Variants in ZBTB49 observed in about 807,000 individuals in gnomAD.
ZBTB49 encodes the protein zinc finger and BTB domain-containing protein 49.
A neutral mutation model predicts 57.5 loss-of-function variants in ZBTB49; 43 were observed. The ratio of observed to expected loss-of-function variants is 0.75; its 90% confidence interval spans 0.59 to 0.97. The LOEUF (loss-of-function observed/expected upper bound fraction) is 0.97. Ranked by LOEUF, ZBTB49 falls within the 50% of genes least tolerant of loss-of-function variation. The probability of loss-of-function intolerance (pLI) is 0.00; values close to 1 mark genes in which losing one functional copy is unlikely to be tolerated. For missense variants in ZBTB49, 938 were observed against 947.7 expected (o/e 0.99, Z 0.13); for synonymous variants, 369 against 362.1 (o/e 1.02, Z -0.22).
chr4:4,299,596 T>C (rs1026033874), intron 1 of ZBTB49, among the ~76,000 whole-genome samples: 1 of 152,194 alleles, frequency 6.6e-6, no homozygotes, highest in Non-Finnish European at 1.5e-5. Context: ...AGATTTGTAC[T>C]GTTTAAATTC....
At chr4:4,309,013 T>G (rs1720863211) in intron 4 of ZBTB49, among the ~76,000 whole-genome samples, 1 of 152,216 alleles carries the variant, frequency 6.6e-6, no homozygotes, top group Non-Finnish European at 1.5e-5. Context: ...TGGTAAAGAA[T>G]GCCCACCGGC....
At chr4:4,307,634 C>G (rs533482039) in intron 4 of ZBTB49, among the ~76,000 whole-genome samples, 1 of 152,210 alleles carries the variant, frequency 6.6e-6, no homozygotes, top group Non-Finnish European at 1.5e-5. Context: ...TTTCTCCTCT[C>G]CTGTCCATCC....
At chr4:4,299,037 G>A (rs1476915021) in intron 1 of ZBTB49, among the ~76,000 whole-genome samples, 1 of 152,210 alleles carries the variant, frequency 6.6e-6, no homozygotes, top group African/African-American at 2.4e-5. Flanking sequence ...GAAGGTTGAA[G>A]CTTGCAGTGT....
intron 7 of ZBTB49, among the ~76,000 whole-genome samples, chr4:4,320,032 C>T (rs1721342889): frequency 1.3e-5 from 2 of 152,228 alleles, no homozygotes; most frequent in Admixed American, 6.5e-5. Flanking sequence ...CCACTTCACT[C>T]CAGCCTGGGC....
intron 1 of ZBTB49, among the ~76,000 whole-genome samples, chr4:4,297,134 G>A (rs973549817): frequency 1.4e-4 from 22 of 152,122 alleles, no homozygotes; most frequent in African/African-American, 4.6e-4. Context: ...GCAATGGCGC[G>A]ATCTCAGCTC....
In ZBTB49 at chr4:4,320,817, G is replaced by C. The variant is rs751662294; in HGVS notation, c.1799G>C (p.Ser600Thr). The C allele has an allele frequency of 6.2e-7, 1 of 1,614,204 alleles. No individual in the cohort carries two copies. The highest frequency in any genetic ancestry group is 1.7e-5 in the Admixed American group (1 of 60,020). ...AGCCCAGATGTGCTGGAGGAGCTCA[G>C]CCAAGCCATCGAGACCTCCGACCTC... ...DESPDVLEEL[S>T]QAIETSDLEK... Residue 600 changes from serine (S) to threonine (T), a missense_variant, in exon 8 of 8, where the codon AGC (serine) becomes ACC (threonine). Physicochemically the swap from Ser to Thr is moderately conservative, Grantham distance 58 (BLOSUM62 1). Around this residue, in one of 3 missense-constraint regions of ZBTB49, gnomAD observed 835 missense variants for 819.1 expected, o/e 1.02. Transcript: ENST00000337872.
At position 4,321,156 on chromosome 4, in the gene ZBTB49, G is replaced by A. The variant is rs535856242; in HGVS notation, c.2138G>A (p.Arg713His). ...CAGGCCGATGGCATGGCCATGATCC[G>A]TTCCTCTCTGGCTGCTTTGGACAAC... Reference protein sequence around the residue: ...PLQADGMAMIRSSLAALDNHG... With the variant: ...PLQADGMAMIHSSLAALDNHG... The change falls in exon 8 of 8, where the codon CGT becomes CAT. Residue 713 changes from arginine to histidine, a missense_variant. Around this residue, in one of 3 missense-constraint regions of ZBTB49, gnomAD observed 835 missense variants for 819.1 expected, o/e 1.02. Coordinates refer to ENST00000337872, the MANE Select transcript of ZBTB49 (RefSeq NM_145291.4). The A allele has an allele frequency of 2.7e-5, 43 of 1,614,190 alleles. No homozygotes were observed. The highest frequency in any genetic ancestry group is 1.2e-4 in the African/African-American group (9 of 75,052).
chr4:4,315,902 T>A lies in ZBTB49; in HGVS notation c.1553T>A (p.Met518Lys). 1 of 1,614,156 alleles carries A rather than the reference T, an allele frequency of 6.2e-7. No individual in the cohort carries two copies. The highest frequency in any genetic ancestry group is 8.5e-7 in the Non-Finnish European group (1 of 1,180,020). The change falls in exon 7 of 8, where the codon ATG (methionine) becomes AAG (lysine). Residue 518 changes from methionine to lysine, a missense_variant. Around this residue, in one of 3 missense-constraint regions of ZBTB49, gnomAD observed 835 missense variants for 819.1 expected, o/e 1.02. Coordinates refer to ENST00000337872, the MANE Select transcript of ZBTB49 (RefSeq NM_145291.4). Reference sequence around the variant, plus strand: ...GATGAGTGTGGAAAGTCTTTTAATATGCAAAGGAAGTTAGTAAAGCACAGA... The same window carrying A: ...GATGAGTGTGGAAAGTCTTTTAATAAGCAAAGGAAGTTAGTAAAGCACAGA... The part of the protein sequence containing the change: ...TCDECGKSFN[M>K]QRKLVKHRIR...
chr4:4,290,332 G>C lies in ZBTB49; in HGVS notation c.-40G>C, dbSNP rs1183025659. The C allele has an allele frequency of 1.3e-5, 2 of 152,548 alleles. No homozygotes were observed. Among genetic ancestry groups the C allele is most frequent in the Non-Finnish European group, 2.9e-5 (2 of 68,292 alleles). 9.4% of individuals were successfully genotyped at this position (152,548 alleles called of 1,614,324 possible). A position where few individuals can be genotyped will look rare whatever the true frequency, so the allele number is the denominator to read the frequency against. ...GCTGCAGGTGAAGAGTAGGCGGCGG[G>C]GCAGAGAGCGGCCTCCGAGGGTAAG... On this transcript the variant is annotated 5_prime_UTR_variant, in exon 1 of 8. Transcript: ENST00000337872.
intron 5 of ZBTB49, 58 bp downstream of exon 5, chr4:4,313,172 T>C: frequency 6.3e-7 from 1 of 1,598,876 alleles, no homozygotes; most frequent in Non-Finnish European, 8.5e-7. Context: ...TCAGTGTCTT[T>C]GGTAGTCAGT....
intron 5 of ZBTB49, 38 bp downstream of exon 5, chr4:4,313,152 A>T (rs1223582948): frequency 6.2e-7 from 1 of 1,610,960 alleles, no homozygotes; most frequent in Non-Finnish European, 8.5e-7. Context: ...GGAAGGGAGC[A>T]TGTCTAGTCT....
intron 4 of ZBTB49, among the ~76,000 whole-genome samples, chr4:4,308,043 T>A (rs1720816376): frequency 6.6e-6 from 1 of 152,180 alleles, no homozygotes; most frequent in Non-Finnish European, 1.5e-5. Context: ...TCTGATTCTG[T>A]GATTTGGAGT....
chr4:4,299,387 A>G (rs1355578216), intron 1 of ZBTB49, among the ~76,000 whole-genome samples: 4 of 150,996 alleles, frequency 2.6e-5, no homozygotes, highest in Non-Finnish European at 5.9e-5. Flanking sequence ...TTATCTCCCA[A>G]AATAGGCTCC....
intron 1 of ZBTB49, among the ~76,000 whole-genome samples, chr4:4,291,661 T>G (rs1337550002): frequency 6.6e-6 from 1 of 152,224 alleles, no homozygotes; most frequent in African/African-American, 2.4e-5. Flanking sequence ...TCTCGTACTG[T>G]TTTTGGGTTT....
At chr4:4,313,912 C>T (rs1365717608) in intron 5 of ZBTB49, among the ~76,000 whole-genome samples, 1 of 152,098 alleles carries the variant, frequency 6.6e-6, no homozygotes, top group Non-Finnish European at 1.5e-5. Context: ...TTTTAGACAC[C>T]TGCTGTATGC....
intron 1 of ZBTB49, among the ~76,000 whole-genome samples, chr4:4,296,406 T>C (rs1171470181): frequency 2.0e-5 from 3 of 152,116 alleles, no homozygotes; most frequent in East Asian, 3.9e-4. Context: ...ATTATGGGGG[T>C]GGGTCTTTCC....
chr4:4,300,184 G>A, intron 2 of ZBTB49, 87 bp downstream of exon 2: 3 of 1,420,812 alleles, frequency 2.1e-6, no homozygotes, highest in Non-Finnish European at 2.9e-6. Context: ...GTTCTCCTTG[G>A]ATTTCACTAT....
At chr4:4,316,643 CAA>C (rs913843586) in intron 7 of ZBTB49, among the ~76,000 whole-genome samples, 1 of 152,108 alleles carries the variant, frequency 6.6e-6, no homozygotes, top group African/African-American at 2.4e-5. Flanking sequence ...CTGTTTAGAC[CAA>C]ATAAGAAATG....
chr4:4,291,704 A>G (rs1287425634), intron 1 of ZBTB49, among the ~76,000 whole-genome samples: 3 of 152,202 alleles, frequency 2.0e-5, no homozygotes, highest in African/African-American at 7.2e-5. Flanking sequence ...GTCCTCCTGA[A>G]TACTCAAAGA....
Sources: allele counts gnomAD v4.1 joint callset (sites outside exome capture counted in the v4.1 genomes callset), GRCh38; gene constraint gnomAD v4.1.1; regional missense constraint gnomAD v4.1.1; transcripts MANE v1.5; gene names NCBI Gene and HGNC (gene_info 2026-07-23, HGNC 2026-07-21).